The following CDK14 variants were observed in gnomAD, a reference collection of about 807,000 sequenced individuals.
The protein encoded by CDK14 is cyclin-dependent kinase 14.
In CDK14, 34 loss-of-function variants were observed where a neutral mutation model predicts 60.7. That is an observed-to-expected ratio of 0.56 (90% CI 0.43 to 0.75). CDK14 has a LOEUF of 0.75. Ranked by LOEUF, CDK14 falls within the 30% of genes least tolerant of loss-of-function variation. CDK14 has a pLI of 0.00. For synonymous variants in CDK14, 197 were observed against 203.7 expected, an observed-to-expected ratio of 0.97 and a Z score of 0.28; for missense variants, 482 against 564.1, an observed-to-expected ratio of 0.85 and a Z score of 1.47.
chr7:90,651,810 C>T (rs1374110886), intron 2 of CDK14, among the ~76,000 whole-genome samples: 1 of 152,100 alleles, frequency 6.6e-6, no homozygotes, highest in African/African-American at 2.4e-5. Context: ...TAGAGCAGGC[C>T]TCCAGGATCC....
chr7:90,828,800 T>A lies in CDK14; in HGVS notation c.545-34375T>A, dbSNP rs79508046. On this transcript the variant is annotated intron_variant, in intron 5 of 14. Transcript: ENST00000380050. Reference sequence around the variant, plus strand: ...GAGGTCTCTGTTGACACGTTATATATGAATGTATCCTGTATGTGGCAGAGC... The same window carrying A: ...GAGGTCTCTGTTGACACGTTATATAAGAATGTATCCTGTATGTGGCAGAGC... Among the ~76,000 whole-genome samples, 177 of 152,358 alleles carry A rather than the reference T, an allele frequency of 1.2e-3. 1 individual carries two copies. The highest frequency in any genetic ancestry group is 4.1e-3 in the African/African-American group (169 of 41,582).
chr7:90,947,752 T>A (rs748775393), intron 8 of CDK14, among the ~76,000 whole-genome samples: 2 of 152,202 alleles, frequency 1.3e-5, no homozygotes, highest in African/African-American at 2.4e-5. Context: ...AAGAGTTTTC[T>A]CATAAGCCTC....
At chr7:90,963,856 C>T (rs946081764) in intron 9 of CDK14, among the ~76,000 whole-genome samples, 3 of 151,720 alleles carry the variant, frequency 2.0e-5, no homozygotes, top group Admixed American at 6.6e-5. Context: ...GCCGGGATTA[C>T]AGGCGCCCAC....
intron 12 of CDK14, among the ~76,000 whole-genome samples, chr7:91,089,558 A>G (rs1798741661): frequency 7.5e-6 from 1 of 133,600 alleles, no homozygotes; most frequent in East Asian, 2.7e-4. Context: ...AGAGGGCAGC[A>G]TGCTCTGAGG....
chr7:90,690,190 A>G (rs1801526794), intron 2 of CDK14, among the ~76,000 whole-genome samples: 1 of 152,168 alleles, frequency 6.6e-6, no homozygotes, highest in African/African-American at 2.4e-5. Flanking sequence ...AAACCCTATA[A>G]AGCAGACCTC....
chr7:91,204,557 C>T (rs1330088925), intron 14 of CDK14, among the ~76,000 whole-genome samples: 2 of 152,170 alleles, frequency 1.3e-5, no homozygotes, highest in Non-Finnish European at 2.9e-5. Context: ...ACTCCTACAA[C>T]TCAACAACGA....
chr7:90,961,445 A>G (rs986413620), intron 9 of CDK14, among the ~76,000 whole-genome samples: 17 of 152,220 alleles, frequency 1.1e-4, no homozygotes, highest in Admixed American at 7.9e-4. Flanking sequence ...TATTTTCCCA[A>G]TTCCTAGCCA....
intron 8 of CDK14, among the ~76,000 whole-genome samples, chr7:90,945,359 A>G (rs1042215175): frequency 3.3e-5 from 5 of 152,208 alleles, no homozygotes; most frequent in African/African-American, 7.2e-5. Flanking sequence ...AGAAGGAAAC[A>G]AAGGGCAACA....
At position 91,161,618 on chromosome 7, in the gene CDK14, C is replaced by T. The variant is rs76720639; in HGVS notation, c.*28+43410C>T. 6.8e-4 allele frequency among the ~76,000 whole-genome samples: 104 copies of T among 152,292 alleles called. 1 individual carries two copies. The East Asian group carries it at 0.018, about 27-fold the overall frequency. On this transcript the variant is annotated intron_variant, in intron 14 of 14. Transcript: ENST00000380050. ...TTTACAGTGAAGTCATCAATCTCTTCATTATTTTAGTTACATTCCCTTTTT... is the reference window on the plus strand; with the variant it reads ...TTTACAGTGAAGTCATCAATCTCTTTATTATTTTAGTTACATTCCCTTTTT...
At chr7:90,967,348 GC>G (rs755246191) in intron 9 of CDK14, among the ~76,000 whole-genome samples, 2 of 152,118 alleles carry the variant, frequency 1.3e-5, no homozygotes, top group East Asian at 3.9e-4. Context: ...TTTACCACAT[GC>G]CCTGCTTTTG....
intron 14 of CDK14, among the ~76,000 whole-genome samples, chr7:91,176,779 T>G (rs1801776513): frequency 6.6e-6 from 1 of 151,618 alleles, no homozygotes; most frequent in African/African-American, 2.4e-5. Flanking sequence ...AATCTCTGAA[T>G]AGACCAATAA....
chr7:90,759,187 T>C (rs3802016), intron 4 of CDK14, among the ~76,000 whole-genome samples: 28,051 of 152,176 alleles, frequency 0.18, 2,712 homozygotes, highest in South Asian at 0.24. Context: ...TGATTGAGTT[T>C]AGAAGCCACA....
At chr7:90,835,407 G>C (rs1299071985) in intron 5 of CDK14, among the ~76,000 whole-genome samples, 6 of 152,120 alleles carry the variant, frequency 3.9e-5, no homozygotes, top group African/African-American at 1.4e-4. Context: ...ACTAGCCAGA[G>C]AGAACAGATA....
At chr7:90,881,298 A>G (rs890821307) in intron 6 of CDK14, among the ~76,000 whole-genome samples, 1 of 152,218 alleles carries the variant, frequency 6.6e-6, no homozygotes, top group Non-Finnish European at 1.5e-5. Flanking sequence ...CGTGAAGCAT[A>G]CAGAATATCA....
chr7:90,741,570 C>T (rs1803346176), intron 3 of CDK14, among the ~76,000 whole-genome samples: 1 of 152,090 alleles, frequency 6.6e-6, no homozygotes, highest in South Asian at 2.1e-4. Context: ...TACCTGTTTT[C>T]TACAATCTCT....
At chr7:90,957,776 C>T (rs1054688425) in intron 9 of CDK14, among the ~76,000 whole-genome samples, 6 of 151,776 alleles carry the variant, frequency 4.0e-5, no homozygotes. Flanking sequence ...GGCCATACTG[C>T]CCAAGGTAAT....
intron 1 of CDK14, among the ~76,000 whole-genome samples, chr7:90,599,064 T>C (rs575233207): frequency 7.2e-5 from 11 of 152,318 alleles, no homozygotes; most frequent in African/African-American, 2.4e-4. Flanking sequence ...TGGGATTATA[T>C]AGTGCATGAG....
At chr7:90,981,434 G>A (rs1221902134) in intron 9 of CDK14, among the ~76,000 whole-genome samples, 3 of 152,194 alleles carry the variant, frequency 2.0e-5, no homozygotes, top group African/African-American at 7.2e-5. Flanking sequence ...AATGGCATTT[G>A]TTTGTTTTTA....
intron 2 of CDK14, among the ~76,000 whole-genome samples, chr7:90,703,029 T>C (rs1372179459): frequency 6.6e-6 from 1 of 151,420 alleles, no homozygotes; most frequent in Non-Finnish European, 1.5e-5. Flanking sequence ...GTTTTTTTTT[T>C]CCTTTTCAGA....
Sources: allele counts gnomAD v4.1 joint callset (sites outside exome capture counted in the v4.1 genomes callset), GRCh38; gene constraint gnomAD v4.1.1; transcripts MANE v1.5; gene names NCBI Gene and HGNC (gene_info 2026-07-23, HGNC 2026-07-21).